Variants in SRSF11 observed in about 807,000 individuals in gnomAD.
SRSF11 encodes the protein serine and arginine rich splicing factor 11.
Under a neutral mutation model 56.0 loss-of-function variants are expected in SRSF11, and 9 were observed. That is an observed-to-expected ratio of 0.16 (90% CI 0.10 to 0.28). The LOEUF is 0.28. Ranked by LOEUF, SRSF11 falls within the 10% of genes least tolerant of loss-of-function variation. SRSF11 has a pLI of 1.00. For missense variants in SRSF11, 421 were observed against 600.7 expected, an observed-to-expected ratio of 0.70 and a Z score of 3.13; for synonymous variants, 222 against 215.3, an observed-to-expected ratio of 1.03 and a Z score of -0.27.
intron 2 of SRSF11, chr1:70,229,835 G>C: frequency 3.1e-6 from 3 of 983,188 alleles, no homozygotes; most frequent in Non-Finnish European, 3.6e-6. Context: ...TTATGTAATA[G>C]TACCTCTGTC....
chr1:70,234,683 T>C lies in SRSF11; in HGVS notation c.448-13T>C, dbSNP rs777609350. Reference sequence around the variant, plus strand: ...AATGAAGTTTTAAATAAATAAAATTTGCCATTTCACAGATTGGCGCTGTTC... The same window carrying C: ...AATGAAGTTTTAAATAAATAAAATTCGCCATTTCACAGATTGGCGCTGTTC... On this transcript the variant is annotated splice_polypyrimidine_tract_variant and intron_variant, in intron 3 of 11. Coordinates refer to ENST00000370949, the MANE Select transcript of SRSF11 (RefSeq NM_001350605.2). 1.9e-6 allele frequency: 3 copies of C among 1,580,190 alleles called. No homozygotes were observed. The highest frequency in any genetic ancestry group is 2.6e-6 in the Non-Finnish European group (3 of 1,167,952).
rs983978457 is a variant in SRSF11, at chr1:70,252,554, G to T, written c.*1749G>T. ...AAAAACAGCATTGTTTTTACAGTTT[G>T]TAGTAAGTAACTTTTTAAAGATTTT... is the stretch of plus-strand genomic sequence containing the variant. On this transcript the variant is annotated 3_prime_UTR_variant, in exon 12 of 12. Coordinates refer to ENST00000370949, the MANE Select transcript of SRSF11 (RefSeq NM_001350605.2). 3 of 146,236 alleles carry T rather than the reference G, an allele frequency of 2.1e-5. No homozygotes were observed. Among genetic ancestry groups the T allele is most frequent in the African/African-American group, 7.6e-5 (3 of 39,350 alleles). 9.1% of individuals were successfully genotyped at this position (146,236 alleles called of 1,614,324 possible). A position where few individuals can be genotyped will look rare whatever the true frequency, so the allele number is the denominator to read the frequency against.
chr1:70,241,416 T>G (rs974597572), intron 7 of SRSF11, among the ~76,000 whole-genome samples: 1 of 152,244 alleles, frequency 6.6e-6, no homozygotes, highest in East Asian at 1.9e-4. Flanking sequence ...ATGCTATGTC[T>G]GTTTATTCCC....
At position 70,221,858 on chromosome 1, in the gene SRSF11, C is replaced by T; in HGVS notation, c.203+19C>T. 1 of 1,613,380 alleles carries T rather than the reference C, an allele frequency of 6.2e-7. No individual in the cohort carries two copies. Among genetic ancestry groups the T allele is most frequent in the Non-Finnish European group, 8.5e-7 (1 of 1,179,836 alleles). ...CGCCGGAGTGAGTATCGTCCACCAT[C>T]ACTGTTCCTGCTAACGCCGCCTCAG... is the stretch of plus-strand genomic sequence containing the variant. On this transcript the variant is annotated intron_variant, in intron 1 of 11. Coordinates refer to ENST00000370949, the MANE Select transcript of SRSF11 (RefSeq NM_001350605.2).
chr1:70,232,343 G>A lies in SRSF11; in HGVS notation c.413G>A (p.Gly138Asp), dbSNP rs749472787. The A allele has an allele frequency of 1.2e-6, 2 of 1,614,094 alleles. No homozygotes were observed. The highest frequency in any genetic ancestry group is 1.7e-6 in the Non-Finnish European group (2 of 1,180,002). The change falls in exon 3 of 12, where the codon GGT (glycine) becomes GAT (aspartate). Residue 138 changes from glycine (G) to aspartate (D), a missense_variant. Gly to Asp is a moderately conservative substitution (Grantham distance 94, BLOSUM62 -1). Transcript: ENST00000370949. ...GCAGTGGCAGGTCTTCTGCCTGGTG[G>A]TGGACTCCTGCCTACTCCTAACCCA... ...ANAVAGLLPG[G>D]GLLPTPNPLT...
intron 9 of SRSF11, chr1:70,248,980 A>G (rs568649636): frequency 6.6e-6 from 1 of 152,206 alleles, no homozygotes; most frequent in South Asian, 2.1e-4. Flanking sequence ...GTGTAAGTAG[A>G]AAAAAAGCTT....
At chr1:70,219,922 C>T (rs1235373700), upstream of SRSF11, among the ~76,000 whole-genome samples, 1 of 152,204 alleles carries the variant, frequency 6.6e-6, no homozygotes, top group Admixed American at 6.5e-5. Context: ...AATGTAGATA[C>T]TCTGTAAGGC....
intron 1 of SRSF11, among the ~76,000 whole-genome samples, chr1:70,207,482 C>T (rs1669153045): frequency 6.6e-6 from 1 of 152,028 alleles, no homozygotes; most frequent in African/African-American, 2.4e-5. Context: ...TTTTTAATCA[C>T]CATGACTTCC....
At chr1:70,248,754 CTG>C (rs895110052) in intron 9 of SRSF11, 7 of 152,038 alleles carry the variant, frequency 4.6e-5, no homozygotes, top group African/African-American at 1.7e-4. Context: ...AAGGCATCTT[CTG>C]TGAGTTATTA....
intron 1 of SRSF11, among the ~76,000 whole-genome samples, chr1:70,212,330 C>T (rs1190960678): frequency 2.0e-5 from 3 of 152,150 alleles, no homozygotes; most frequent in Non-Finnish European, 4.4e-5. Context: ...GATCTTGGCT[C>T]ACTGCAACCT....
upstream of SRSF11, chr1:70,218,539 A>G (rs1008371019): frequency 1.3e-5 from 2 of 152,224 alleles, no homozygotes; most frequent in African/African-American, 4.8e-5. Context: ...AAATGTGTCA[A>G]ACATACAGAA....
chr1:70,220,102 T>G (rs1670384232), upstream of SRSF11, among the ~76,000 whole-genome samples: 2 of 152,250 alleles, frequency 1.3e-5, no homozygotes, highest in Admixed American at 1.3e-4. Context: ...TGACAGACAT[T>G]GTGCCAGGTT....
chr1:70,211,834 A>G (rs534322386), intron 1 of SRSF11, among the ~76,000 whole-genome samples: 3 of 152,168 alleles, frequency 2.0e-5, no homozygotes, highest in Non-Finnish European at 4.4e-5. Context: ...CTAGAGGTAC[A>G]TGTTTTTCAC....
At chr1:70,218,503 G>A (rs1670223118), upstream of SRSF11, 2 of 151,882 alleles carry the variant, frequency 1.3e-5, no homozygotes, top group Non-Finnish European at 2.9e-5. Flanking sequence ...CTTTTTCTTT[G>A]GTTTGAATTT....
In SRSF11 at chr1:70,224,843, T is replaced by C. The variant is rs1671422410; in HGVS notation, c.203+3004T>C. Among the ~76,000 whole-genome samples, 7 of 152,336 alleles carry C rather than the reference T, an allele frequency of 4.6e-5. No homozygotes were observed. In the South Asian group the frequency reaches 1.4e-3, roughly 32 times the overall value. On this transcript the variant is annotated intron_variant, in intron 1 of 11. Transcript: ENST00000370949. ...AAACTGTTATTTTGATTCTGGTTGT[T>C]TCTGAAATGCGTACTGGAAATGCAG...
chr1:70,237,700 A>G, intron 6 of SRSF11, 148 bp downstream of exon 6: 1 of 1,128,152 alleles, frequency 8.9e-7, no homozygotes, highest in Non-Finnish European at 1.2e-6. Context: ...ACTCAGACGT[A>G]TTTGGAGACA....
intron 2 of SRSF11, chr1:70,229,024 A>G (rs1672393590): frequency 3.0e-6 from 3 of 984,654 alleles, no homozygotes; most frequent in Non-Finnish European, 3.6e-6. Context: ...ATTGAATTTC[A>G]GTATACCAAG....
In SRSF11 at chr1:70,244,576, A is replaced by G; in HGVS notation, c.801-108A>G. 3.4e-6 allele frequency: 4 copies of G among 1,190,644 alleles called. No homozygotes were observed. In the South Asian group the frequency reaches 6.5e-5, roughly 19 times the overall value. The allele number at this position is 1,190,644 out of a possible 1,614,324, so 73.8% of individuals were successfully genotyped here. A position where few individuals can be genotyped will look rare whatever the true frequency, so the allele number is the denominator to read the frequency against. ...AGCAAATGGAAGGGAATTATCCCCC[A>G]TTTAATTGTTTAGTCCATATGTCCG... On this transcript the variant is annotated intron_variant, in intron 7 of 11. Coordinates refer to ENST00000370949, the MANE Select transcript of SRSF11 (RefSeq NM_001350605.2).
rs190622185 is a variant in SRSF11, at chr1:70,235,974, A to G, written c.590+424A>G. 1.7e-3 allele frequency among the ~76,000 whole-genome samples: 258 copies of G among 152,292 alleles called. 2 individuals carry two copies. Among genetic ancestry groups the G allele is most frequent in the African/African-American group, 5.8e-3 (240 of 41,568 alleles). On this transcript the variant is annotated intron_variant, in intron 5 of 11. Transcript: ENST00000370949. Reference sequence around the variant, plus strand: ...ATAAGTGCTCTTCATGCTGTCACAGAAATTGTTTCCGACTTGATGATGTGA... The same window carrying G: ...ATAAGTGCTCTTCATGCTGTCACAGGAATTGTTTCCGACTTGATGATGTGA...
Sources: gnomAD v4.1 joint callset for allele counts (sites outside exome capture counted in the v4.1 genomes callset) on GRCh38, gnomAD v4.1.1 for gene constraint, MANE v1.5 for transcripts, NCBI Gene and HGNC (gene_info 2026-07-23, HGNC 2026-07-21) for gene names.